The following MCTP1 variants were observed in gnomAD, a reference collection of about 807,000 sequenced individuals.
The protein encoded by MCTP1 is multiple C2 and transmembrane domain-containing protein 1.
A neutral mutation model predicts 120.6 loss-of-function variants in MCTP1; 69 were observed. The observed-to-expected ratio is 0.57, with a 90% CI of 0.47 to 0.70. MCTP1 has a LOEUF of 0.70. Ranked by LOEUF, MCTP1 falls within the 30% of genes least tolerant of loss-of-function variation. MCTP1 has a pLI of 0.00. For missense variants in MCTP1, 1,203 were observed against 1,248.8 expected (o/e 0.96, Z 0.55); for synonymous variants, 529 against 493.1 (o/e 1.07, Z -0.96).
chr5:94,798,879 G>A, intron 18 of MCTP1, 134 bp downstream of exon 18: 1 of 859,300 alleles, frequency 1.2e-6, no homozygotes. Context: ...GTTTTGACCT[G>A]ATAAAACTTT....
chr5:95,096,719 G>A (rs542155059), intron 1 of MCTP1, among the ~76,000 whole-genome samples: 135 of 152,148 alleles, frequency 8.9e-4, no homozygotes, highest in African/African-American at 3.1e-3. Context: ...TGAACCTTAC[G>A]AACAAAAACT....
chr5:94,819,077 A>AAATT (rs1785056100), intron 17 of MCTP1, among the ~76,000 whole-genome samples: 1 of 128,754 alleles, frequency 7.8e-6, no homozygotes, highest in Non-Finnish European at 1.8e-5. Context: ...AAACTACTTC[A>AAATT]AATTTATTTA....
rs1561494304 is a variant in MCTP1, at chr5:94,706,113, G to GTT, written c.*1381_*1382dup. On this transcript the variant is annotated 3_prime_UTR_variant, in exon 23 of 23. Transcript: ENST00000515393. ...ATACATTTCTTTTAGCTTTTCTATAGTTTTTCCAGTATAACCCCCACTTTT... is the reference window on the plus strand; with the variant it reads ...ATACATTTCTTTTAGCTTTTCTATAGTTTTTTTCCAGTATAACCCCCACTTTT... 6.6e-6 allele frequency: 1 copy of GTT among 151,454 alleles called. No individual in the cohort carries two copies. The highest frequency in any genetic ancestry group is 6.6e-5 in the Admixed American group (1 of 15,174). 9.4% of individuals were successfully genotyped at this position (151,454 alleles called of 1,614,324 possible).
At chr5:94,835,841 A>G (rs1789611675) in intron 17 of MCTP1, among the ~76,000 whole-genome samples, 1 of 152,074 alleles carries the variant, frequency 6.6e-6, no homozygotes, top group African/African-American at 2.4e-5. Context: ...CGTCTCTACT[A>G]AAAATACAAA....
chr5:94,783,083 TG>T (rs1776915302), intron 18 of MCTP1, among the ~76,000 whole-genome samples: 1 of 152,082 alleles, frequency 6.6e-6, no homozygotes, highest in African/African-American at 2.4e-5. Context: ...CACAGACTTA[TG>T]TGCCACACAG....
chr5:94,901,076 G>A (rs747612460), intron 10 of MCTP1, among the ~76,000 whole-genome samples: 182 of 152,264 alleles, frequency 1.2e-3, no homozygotes, highest in Non-Finnish European at 1.9e-3. Flanking sequence ...CTGTTCTGAC[G>A]CTGCTAATAA....
At chr5:95,067,885 A>G (rs1395443389) in intron 1 of MCTP1, among the ~76,000 whole-genome samples, 1 of 152,198 alleles carries the variant, frequency 6.6e-6, no homozygotes, top group African/African-American at 2.4e-5. Flanking sequence ...ATAGATCACT[A>G]CAACTTATTC....
intron 1 of MCTP1, among the ~76,000 whole-genome samples, chr5:95,202,891 C>T (rs1751227654): frequency 6.6e-6 from 1 of 152,086 alleles, no homozygotes; most frequent in Non-Finnish European, 1.5e-5. Flanking sequence ...CCAGACCCAA[C>T]TAATTTTTTG....
At chr5:94,992,258 T>C (rs571164873) in intron 2 of MCTP1, among the ~76,000 whole-genome samples, 62 of 152,120 alleles carry the variant, frequency 4.1e-4, no homozygotes, top group Non-Finnish European at 7.9e-4. Context: ...CAATAACGTT[T>C]TAGTTAATAT....
chr5:95,202,117 C>T (rs1245197401), intron 1 of MCTP1, among the ~76,000 whole-genome samples: 2 of 152,078 alleles, frequency 1.3e-5, no homozygotes, highest in African/African-American at 4.8e-5. Context: ...GAAGACCACT[C>T]TTGATGTGGG....
intron 2 of MCTP1, among the ~76,000 whole-genome samples, chr5:94,982,586 A>G (rs1477927074): frequency 2.0e-5 from 3 of 152,120 alleles, no homozygotes; most frequent in African/African-American, 7.2e-5. Context: ...AAGGTTACTA[A>G]TAAGTTGACT....
At chr5:95,098,480 GACAA>G (rs1299581672) in intron 1 of MCTP1, among the ~76,000 whole-genome samples, 1 of 152,002 alleles carries the variant, frequency 6.6e-6, no homozygotes, top group South Asian at 2.1e-4. Flanking sequence ...ACCAATAACA[GACAA>G]ACAGAGAGCC....
chr5:94,791,979 G>A (rs551025529), intron 18 of MCTP1: 23 of 152,620 alleles, frequency 1.5e-4, no homozygotes, highest in African/African-American at 5.5e-4. Flanking sequence ...CAGTGGAGGA[G>A]CCCCGAAGAC....
At position 94,894,645 on chromosome 5, in the gene MCTP1, G is replaced by A. The variant is rs559796124; in HGVS notation, c.1839+4C>T. 6 of 1,591,928 alleles carry A rather than the reference G, an allele frequency of 3.8e-6. No individual in the cohort carries two copies. Among genetic ancestry groups the A allele is most frequent in the Admixed American group, 1.7e-5 (1 of 59,668 alleles). On this transcript the variant is annotated splice_donor_region_variant and intron_variant, in intron 11 of 22. Coordinates refer to ENST00000515393, the MANE Select transcript of MCTP1 (RefSeq NM_024717.7). ...CTCTGGAAGGAGGAGGGTTACATAC[G>A]TACATATCTCTTTAATATCTCCTCT...
intron 1 of MCTP1, among the ~76,000 whole-genome samples, chr5:95,085,201 C>A (rs1217420680): frequency 1.3e-5 from 2 of 152,038 alleles, no homozygotes; most frequent in Non-Finnish European, 2.9e-5. Context: ...CATTACCTAT[C>A]CCATCCCTTC....
At chr5:95,156,132 A>G (rs59917815) in intron 1 of MCTP1, among the ~76,000 whole-genome samples, 4,645 of 152,312 alleles carry the variant, frequency 0.03, 263 homozygotes, top group African/African-American at 0.11. Flanking sequence ...TCTGAACTCC[A>G]GATGAGAACT....
chr5:95,168,983 A>G (rs1486030800), intron 1 of MCTP1, among the ~76,000 whole-genome samples: 2 of 152,110 alleles, frequency 1.3e-5, no homozygotes, highest in Admixed American at 1.3e-4. Flanking sequence ...GCCAGTTTTC[A>G]AAGGGAATGC....
intron 1 of MCTP1, among the ~76,000 whole-genome samples, chr5:95,120,986 T>A (rs987103811): frequency 2.0e-5 from 3 of 152,072 alleles, no homozygotes; most frequent in African/African-American, 7.2e-5. Flanking sequence ...TTAGGTAAAG[T>A]TGCAGGACAT....
chr5:94,715,947 GAAT>G (rs1329353752), intron 19 of MCTP1, among the ~76,000 whole-genome samples: 1 of 152,220 alleles, frequency 6.6e-6, no homozygotes, highest in Admixed American at 6.5e-5. Flanking sequence ...CAGGAAGCTA[GAAT>G]AATAATGTCA....
Sources: gnomAD v4.1 joint callset for allele counts (sites outside exome capture counted in the v4.1 genomes callset) on GRCh38, gnomAD v4.1.1 for gene constraint, MANE v1.5 for transcripts, NCBI Gene and HGNC (gene_info 2026-07-23, HGNC 2026-07-21) for gene names.